SFSWAP: variants seen among roughly 807,000 people sequenced by gnomAD.
SFSWAP encodes splicing factor, suppressor of white-apricot homolog.
A neutral mutation model predicts 100.7 loss-of-function variants in SFSWAP; 17 were observed. That is an observed-to-expected ratio of 0.17 (90% CI 0.12 to 0.25). SFSWAP has a LOEUF of 0.25. SFSWAP is among the 10% of genes least tolerant of loss of function. The probability of loss-of-function intolerance (pLI) is 1.00; values close to 1 mark genes in which losing one functional copy is unlikely to be tolerated. For missense variants in SFSWAP, 1,005 were observed against 1,262.6 expected (o/e 0.80, Z 3.09); for synonymous variants, 504 against 510.1 (o/e 0.99, Z 0.16).
intron 9 of SFSWAP, among the ~76,000 whole-genome samples, chr12:131,754,719 T>C (rs570616809): frequency 5.0e-5 from 7 of 138,678 alleles, no homozygotes; most frequent in Non-Finnish European, 7.7e-5. Flanking sequence ...CTGTAACCTC[T>C]ACCTCCTGGG....
At chr12:131,745,609 C>T (rs1325815928) in intron 7 of SFSWAP, among the ~76,000 whole-genome samples, 1 of 152,182 alleles carries the variant, frequency 6.6e-6, no homozygotes, top group Non-Finnish European at 1.5e-5. Context: ...TCCTGGGGTG[C>T]AGGTCTTCAC....
In SFSWAP at chr12:131,778,007, A is replaced by C. The variant is rs1884161679; in HGVS notation, c.2143-58A>C. The C allele has an allele frequency of 5.1e-6, 8 of 1,564,114 alleles. No individual in the cohort carries two copies. In the South Asian group the frequency reaches 7.2e-5, roughly 14 times the overall value. ...GGCCCAAAGTTGAAATTTTATAGAT[A>C]TACATCTTCAATGTTCTGTTTTCCC... On this transcript the variant is annotated intron_variant, in intron 13 of 17. Coordinates refer to ENST00000261674, the MANE Select transcript of SFSWAP (RefSeq NM_004592.4). This position sits in a 1 kb window ranked among gnomAD's most constrained non-coding sequence, Gnocchi z 4.2.
At chr12:131,769,394 A>G (rs1320131694) in intron 13 of SFSWAP, among the ~76,000 whole-genome samples, 1 of 152,144 alleles carries the variant, frequency 6.6e-6, no homozygotes, top group East Asian at 1.9e-4. Flanking sequence ...TAAAGGGGTT[A>G]ATTGAAAGAC....
intron 14 of SFSWAP, chr12:131,784,774 G>T: frequency 4.1e-6 from 1 of 242,664 alleles, no homozygotes; most frequent in Admixed American, 5.2e-5. Context: ...GTAGCCCCTC[G>T]TTCTAAGATG....
At position 131,766,267 on chromosome 12, in the gene SFSWAP, G is replaced by A; in HGVS notation, c.2101G>A (p.Ala701Thr). ...LQTLKNPLPE[A>T]EAGKIEESPF... is the part of the protein sequence containing the mutation. ...GACCCTCAAAAATCCTCTGCCGGAAGCAGAAGCTGGGAAAATTGAGGAGAG... is the reference window on the plus strand; with the variant it reads ...GACCCTCAAAAATCCTCTGCCGGAAACAGAAGCTGGGAAAATTGAGGAGAG... The change falls in exon 13 of 18, where the codon GCA (alanine) becomes ACA (threonine). Residue 701 changes from alanine to threonine, a missense_variant. This residue lies in a region of SFSWAP where 295 missense variants were observed against 347.9 expected (regional missense o/e 0.85). Coordinates refer to ENST00000261674, the MANE Select transcript of SFSWAP (RefSeq NM_004592.4). 3.7e-6 allele frequency: 6 copies of A among 1,614,196 alleles called. No homozygotes were observed. The highest frequency in any genetic ancestry group is 5.1e-6 in the Non-Finnish European group (6 of 1,180,044).
intron 11 of SFSWAP, among the ~76,000 whole-genome samples, chr12:131,762,347 G>A (rs909563695): frequency 6.6e-6 from 1 of 152,192 alleles, no homozygotes; most frequent in Non-Finnish European, 1.5e-5. Flanking sequence ...GGAAGTCAAG[G>A]CTGCAATAAG....
chr12:131,780,868 C>T (rs140093935), intron 14 of SFSWAP, among the ~76,000 whole-genome samples: 59 of 152,258 alleles, frequency 3.9e-4, no homozygotes, highest in Non-Finnish European at 7.6e-4. Context: ...ATTGTAAGAG[C>T]TGTTCATGGT....
In SFSWAP at chr12:131,786,532, C is replaced by T. The variant is rs1039186387; in HGVS notation, c.2478C>T (p.Pro826=). 1.9e-6 allele frequency: 3 copies of T among 1,587,100 alleles called. No homozygotes were observed. In the African/African-American group the frequency reaches 4.0e-5, roughly 21 times the overall value. Residue 826 remains proline, a synonymous_variant, in exon 15 of 18, where the codon CCC becomes CCT. Coordinates refer to ENST00000261674, the MANE Select transcript of SFSWAP (RefSeq NM_004592.4). ...GACGGAGGGAAGAGAGGAGTGTGCC[C>T]ACTGCCTACCGCGTGAGCCGCAGCC... ...PERRREERSV[P]TAYRVSRSPG...
chr12:131,797,348 A>G lies in SFSWAP; in HGVS notation c.2705A>G (p.Gln902Arg), dbSNP rs780527557. Residue 902 changes from glutamine to arginine, a missense_variant, in exon 16 of 18, where the codon CAG becomes CGG. Gln to Arg is a conservative substitution (Grantham distance 43). Around this residue, in one of 7 missense-constraint regions of SFSWAP, gnomAD observed 295 missense variants for 347.9 expected, o/e 0.85. Coordinates refer to ENST00000261674, the MANE Select transcript of SFSWAP (RefSeq NM_004592.4). ...CCTGTGGAGAGTCGGGGCTCCAGCCAGGAGCGCTCCAGGTAACCCCTGTCC... is the reference window on the plus strand; with the variant it reads ...CCTGTGGAGAGTCGGGGCTCCAGCCGGGAGCGCTCCAGGTAACCCCTGTCC... ...VSPVESRGSS[Q>R]ERSRGVSQEK... The G allele has an allele frequency of 1.4e-5, 23 of 1,607,694 alleles. No individual in the cohort carries two copies. Among genetic ancestry groups the G allele is most frequent in the Non-Finnish European group, 1.8e-5 (21 of 1,177,064 alleles).
intron 13 of SFSWAP, among the ~76,000 whole-genome samples, chr12:131,769,884 C>T (rs982665233): frequency 4.6e-5 from 7 of 152,178 alleles, no homozygotes; most frequent in African/African-American, 1.7e-4. Flanking sequence ...TACCCTCTCA[C>T]CTCTCCTGTT....
rs931586609 is a variant in SFSWAP at position 131,794,373 on chromosome 12, TAAA to T, written c.2535-2793_2535-2791del. On this transcript the variant is annotated intron_variant, in intron 15 of 17. Transcript: ENST00000261674. The surrounding 1 kb of genome is among the most constrained non-coding windows in gnomAD (Gnocchi z 4.8). Reference sequence around the variant, plus strand: ...TTTGGTAGAGACCCCCATCTCTACTTAAAAAAAAAAAAAATTAGCCATTTGTGG... The same window carrying T: ...TTTGGTAGAGACCCCCATCTCTACTTAAAAAAAAAAATTAGCCATTTGTGG... 1.4e-5 allele frequency among the ~76,000 whole-genome samples: 2 copies of T among 140,848 alleles called. No homozygotes were observed. Among genetic ancestry groups the T allele is most frequent in the Non-Finnish European group, 3.1e-5 (2 of 64,402 alleles). 92.4% of individuals were successfully genotyped at this position (140,848 alleles called of 152,430 possible). A position where few individuals can be genotyped will look rare whatever the true frequency, so the allele number is the denominator to read the frequency against.
At chr12:131,780,220 G>A (rs893608097) in intron 14 of SFSWAP, among the ~76,000 whole-genome samples, 1 of 152,136 alleles carries the variant, frequency 6.6e-6, no homozygotes, top group Non-Finnish European at 1.5e-5. Flanking sequence ...TGTTTTAAAC[G>A]TTTCATCACT....
chr12:131,779,315 G>T (rs1165725445), intron 14 of SFSWAP, among the ~76,000 whole-genome samples: 1 of 151,438 alleles, frequency 6.6e-6, no homozygotes, highest in Admixed American at 6.6e-5. Flanking sequence ...GGCGGCGCTG[G>T]TGCAGAATGT....
chr12:131,717,753 C>CA (rs1878063168), intron 3 of SFSWAP, among the ~76,000 whole-genome samples: 1 of 152,086 alleles, frequency 6.6e-6, no homozygotes, highest in Admixed American at 6.5e-5. Flanking sequence ...TTTTTTGAGA[C>CA]AGAGTCTCGC....
chr12:131,770,877 C>T (rs1227302870), intron 13 of SFSWAP, among the ~76,000 whole-genome samples: 1 of 152,188 alleles, frequency 6.6e-6, no homozygotes, highest in African/African-American at 2.4e-5. Flanking sequence ...CTGGCACCCA[C>T]CTGCTTGCAG....
chr12:131,778,810 G>A lies in SFSWAP; in HGVS notation c.2408+480G>A, dbSNP rs896118702. 6.6e-6 allele frequency among the ~76,000 whole-genome samples: 1 copy of A among 152,046 alleles called. No homozygotes were observed. Among genetic ancestry groups the A allele is most frequent in the Non-Finnish European group, 1.5e-5 (1 of 68,028 alleles). The stretch of plus-strand genomic sequence containing the variant: ...TGGGATTACAGGCCTAAGCCACCGC[G>A]CAGGCCTATACTTAACTTTTCAAAG... On this transcript the variant is annotated intron_variant, in intron 14 of 17. Transcript: ENST00000261674. The surrounding 1 kb of genome is among the most constrained non-coding windows in gnomAD (Gnocchi z 4.2).
intron 13 of SFSWAP, among the ~76,000 whole-genome samples, chr12:131,770,275 C>CCTGGGTCTT: frequency 6.6e-6 from 1 of 152,192 alleles, no homozygotes; most frequent in Non-Finnish European, 1.5e-5. Flanking sequence ...GACAAGACCA[C>CCTGGGTCTT]ATTCGGCCAC....
intron 7 of SFSWAP, among the ~76,000 whole-genome samples, chr12:131,740,155 G>A (rs1880464510): frequency 6.6e-6 from 1 of 152,164 alleles, no homozygotes; most frequent in Non-Finnish European, 1.5e-5. Flanking sequence ...GATGGGTCAT[G>A]ACTACCTATT....
chr12:131,721,457 TGA>T (rs1367685912), intron 4 of SFSWAP, among the ~76,000 whole-genome samples: 2 of 152,232 alleles, frequency 1.3e-5, no homozygotes, highest in Non-Finnish European at 2.9e-5. Context: ...TTATTATGCA[TGA>T]GAGACACATT....
Sources: gnomAD v4.1 joint callset for allele counts (sites outside exome capture counted in the v4.1 genomes callset) on GRCh38, gnomAD v4.1.1 for gene constraint, gnomAD v4.1.1 regional missense constraint, Gnocchi (gnomAD v3.1) non-coding constraint, MANE v1.5 for transcripts, NCBI Gene and HGNC (gene_info 2026-07-23, HGNC 2026-07-21) for gene names.